Variants in GARRE1 observed in about 807,000 individuals in gnomAD.
GARRE1 encodes the protein granule associated Rac and RHOG effector protein 1.
In GARRE1, 49 loss-of-function variants were observed where a neutral mutation model predicts 103.2. The observed-to-expected ratio is 0.47, with a 90% CI of 0.38 to 0.60. The LOEUF is 0.60. Among genes scored for constraint, GARRE1 ranks in the 20% least tolerant of loss-of-function variants. The pLI, the probability that GARRE1 is intolerant of heterozygous loss-of-function variation, is 0.00. For synonymous variants in GARRE1, 505 were observed against 532.8 expected, an observed-to-expected ratio of 0.95 and a Z score of 0.72; for missense variants, 1,199 against 1,370.5, an observed-to-expected ratio of 0.87 and a Z score of 1.98.
In GARRE1 at chr19:34,301,982, CTTT is replaced by C. The variant is rs35417822; in HGVS notation, c.495+1039_495+1041del. The stretch of plus-strand genomic sequence containing the variant: ...ACAGGTGTGAGCCACTGCGCCCAGC[CTTT>C]TTTTTTTTTTTTTTTTTTTTTTTTA... On this transcript the variant is annotated intron_variant, in intron 2 of 13. Transcript: ENST00000299505. 5.5e-3 allele frequency among the ~76,000 whole-genome samples: 275 copies of C among 50,060 alleles called. 6 individuals are homozygous for C. Among genetic ancestry groups the C allele is most frequent in the African/African-American group, 0.017 (265 of 15,198 alleles). The allele number at this position is 50,060 out of a possible 152,430, so 32.8% of individuals were successfully genotyped here.
At chr19:34,260,140 A>G (rs956356240) in intron 1 of GARRE1, among the ~76,000 whole-genome samples, 5 of 152,242 alleles carry the variant, frequency 3.3e-5, no homozygotes. Context: ...CCCAACCTTT[A>G]GCACCCACAC....
rs2074251031 is a variant in GARRE1, at chr19:34,353,353, T to G, written c.*398T>G. The G allele has an allele frequency of 4.5e-6, 1 of 219,838 alleles. No homozygotes were observed. The highest frequency in any genetic ancestry group is 9.0e-6 in the Non-Finnish European group (1 of 111,650). The allele number at this position is 219,838 out of a possible 1,614,324, so 13.6% of individuals were successfully genotyped here. A position where few individuals can be genotyped will look rare whatever the true frequency, so the allele number is the denominator to read the frequency against. ...AAAGCTGAGGGCATAACTGACCATT[T>G]TTTGGAAACCCTCTCCTCCCTCCTC... On this transcript the variant is annotated 3_prime_UTR_variant, in exon 14 of 14. Transcript: ENST00000299505.
chr19:34,260,982 C>G (rs1191491975), intron 1 of GARRE1, among the ~76,000 whole-genome samples: 1 of 152,162 alleles, frequency 6.6e-6, no homozygotes, highest in Admixed American at 6.5e-5. Flanking sequence ...GTGTAGCACT[C>G]TCTGGGGGCC....
At chr19:34,270,382 T>G (rs2073779729) in intron 1 of GARRE1, among the ~76,000 whole-genome samples, 1 of 152,186 alleles carries the variant, frequency 6.6e-6, no homozygotes, top group Non-Finnish European at 1.5e-5. Flanking sequence ...ACAGCACTTT[T>G]GTGAAGGAAG....
Position 34,347,942 on chromosome 19 carries a change from C to T in GARRE1, c.2587C>T (p.Gln863Ter). Reference sequence around the variant, plus strand: ...GAGCCAGGCGATGCAGCAGAAGCGGCAGGCCCAGCACGGTCGCCGGCCAGG... The same window carrying T: ...GAGCCAGGCGATGCAGCAGAAGCGGTAGGCCCAGCACGGTCGCCGGCCAGG... ...GVSQAMQQKR[Q>*]AQHGRRPGNP... Residue 863 changes from glutamine (Q) to a stop codon, truncating the protein, a stop_gained, in exon 11 of 14, where the codon CAG becomes TAG. Coordinates refer to ENST00000299505, the MANE Select transcript of GARRE1 (RefSeq NM_014686.5). LOFTEE classifies it high-confidence loss of function. 1 of 1,592,672 alleles carries T rather than the reference C, an allele frequency of 6.3e-7. No homozygotes were observed. Among genetic ancestry groups the T allele is most frequent in the Non-Finnish European group, 8.6e-7 (1 of 1,169,046 alleles).
chr19:34,303,772 T>C (rs962926656), intron 2 of GARRE1, among the ~76,000 whole-genome samples: 20 of 151,968 alleles, frequency 1.3e-4, no homozygotes, highest in African/African-American at 4.3e-4. Flanking sequence ...CCCACCACCA[T>C]GTCTGGCTAA....
At position 34,299,714 on chromosome 19, in the gene GARRE1, A is replaced by G. The variant is rs1256676621; in HGVS notation, c.-760A>G. 6.6e-6 allele frequency: 1 copy of G among 152,208 alleles called. No individual in the cohort carries two copies. The highest frequency in any genetic ancestry group is 1.5e-5 in the Non-Finnish European group (1 of 68,038). The allele number at this position is 152,208 out of a possible 1,614,324, so 9.4% of individuals were successfully genotyped here. A position where few individuals can be genotyped will look rare whatever the true frequency, so the allele number is the denominator to read the frequency against. On this transcript the variant is annotated 5_prime_UTR_variant, in exon 2 of 14. Transcript: ENST00000299505. Reference sequence around the variant, plus strand: ...AGAAGCCTTACAAATACATCTGTGCATTCTTGCTTCAGACTTTACAACTGA... The same window carrying G: ...AGAAGCCTTACAAATACATCTGTGCGTTCTTGCTTCAGACTTTACAACTGA...
chr19:34,333,231 G>A (rs1202193400), intron 7 of GARRE1, among the ~76,000 whole-genome samples: 4 of 151,270 alleles, frequency 2.6e-5, no homozygotes, highest in African/African-American at 7.3e-5. Context: ...TAGTGGAGAC[G>A]GGGTTTCACC....
chr19:34,275,973 T>C (rs2073814921), intron 1 of GARRE1, among the ~76,000 whole-genome samples: 1 of 152,220 alleles, frequency 6.6e-6, no homozygotes. Context: ...TGATAGTTAG[T>C]GATGTTGACT....
intron 1 of GARRE1, among the ~76,000 whole-genome samples, chr19:34,256,563 A>C (rs1437650060): frequency 1.3e-5 from 2 of 151,518 alleles, no homozygotes; most frequent in Non-Finnish European, 2.9e-5. Flanking sequence ...TCATCGTTTC[A>C]TGGTTTTATT....
chr19:34,322,913 C>T (rs1194081124), intron 3 of GARRE1, among the ~76,000 whole-genome samples: 1 of 151,364 alleles, frequency 6.6e-6, no homozygotes, highest in Non-Finnish European at 1.5e-5. Flanking sequence ...TAAACTATCC[C>T]AGCAGGCAAA....
intron 1 of GARRE1, among the ~76,000 whole-genome samples, chr19:34,254,819 G>T (rs932611398): frequency 1.3e-5 from 2 of 149,762 alleles, no homozygotes; most frequent in Non-Finnish European, 3.0e-5. Flanking sequence ...CTTTGCGGGC[G>T]CTGGCCGGCC....
intron 1 of GARRE1, among the ~76,000 whole-genome samples, chr19:34,277,693 A>C (rs1416086074): frequency 6.6e-6 from 1 of 152,150 alleles, no homozygotes; most frequent in Middle Eastern, 3.4e-3. Context: ...TTCATCATAA[A>C]CTTCTCCATC....
chr19:34,348,253 A>T (rs2074221805), intron 11 of GARRE1: 3 of 399,912 alleles, frequency 7.5e-6, no homozygotes, highest in Non-Finnish European at 1.3e-5. Context: ...TATCCCTGTG[A>T]ACGTGCCATT....
At chr19:34,269,979 A>G (rs933300572) in intron 1 of GARRE1, among the ~76,000 whole-genome samples, 4 of 152,160 alleles carry the variant, frequency 2.6e-5, no homozygotes, top group Non-Finnish European at 5.9e-5. Flanking sequence ...ACCCCACCCC[A>G]AAGTGTCACT....
chr19:34,278,765 G>A (rs1372830740), intron 1 of GARRE1, among the ~76,000 whole-genome samples: 1 of 152,038 alleles, frequency 6.6e-6, no homozygotes, highest in Non-Finnish European at 1.5e-5. Context: ...TCAGATGCCT[G>A]GGTTCAAGTG....
chr19:34,272,520 G>T (rs778690833), intron 1 of GARRE1, among the ~76,000 whole-genome samples: 4 of 152,148 alleles, frequency 2.6e-5, no homozygotes, highest in Non-Finnish European at 5.9e-5. Flanking sequence ...AAAACTTGAA[G>T]ACCCTGCAGA....
intron 1 of GARRE1, chr19:34,296,250 G>C (rs1780380653): frequency 1.6e-6 from 1 of 642,174 alleles, no homozygotes; most frequent in Non-Finnish European, 2.8e-6. Context: ...CAGTCCTTCT[G>C]TTCTCACATT....
intron 7 of GARRE1, among the ~76,000 whole-genome samples, chr19:34,332,569 G>A (rs1233661131): frequency 6.6e-6 from 1 of 152,182 alleles, no homozygotes; most frequent in African/African-American, 2.4e-5. Context: ...GGGATGGGAG[G>A]AGAGAGGAAA....
Sources: gnomAD v4.1 joint callset for allele counts (sites outside exome capture counted in the v4.1 genomes callset) on GRCh38, gnomAD v4.1.1 for gene constraint, MANE v1.5 for transcripts, NCBI Gene and HGNC (gene_info 2026-07-23, HGNC 2026-07-21) for gene names.